The following MAL variants were observed in gnomAD, a reference collection of about 807,000 sequenced individuals.
The protein encoded by MAL is myelin and lymphocyte protein.
A neutral mutation model predicts 16.7 loss-of-function variants in MAL; 5 were observed. That is an observed-to-expected ratio of 0.30 (90% CI 0.16 to 0.63). The LOEUF is 0.63. MAL is among the 30% of genes least tolerant of loss of function. The pLI is 0.82. For synonymous variants in MAL, 96 were observed against 85.5 expected (o/e 1.12, Z -0.67); for missense variants, 202 against 195.8 (o/e 1.03, Z -0.19).
intron 1 of MAL, among the ~76,000 whole-genome samples, chr2:95,045,985 C>A (rs1205057923): frequency 1.3e-5 from 2 of 152,200 alleles, no homozygotes; most frequent in African/African-American, 4.8e-5. Context: ...TTCAGGCAAC[C>A]TAAGATCCAT....
intron 1 of MAL, among the ~76,000 whole-genome samples, chr2:95,029,153 G>T (rs1249726613): frequency 6.6e-6 from 1 of 152,180 alleles, no homozygotes; most frequent in Non-Finnish European, 1.5e-5. Flanking sequence ...GCCCAACTTT[G>T]TCAAATCTTA....
At chr2:95,044,712 T>C (rs1316884110) in intron 1 of MAL, 1 of 152,232 alleles carries the variant, frequency 6.6e-6, no homozygotes, top group Non-Finnish European at 1.5e-5. Flanking sequence ...AAAATAGTCT[T>C]CATCAGGTTG....
chr2:95,047,934 A>G (rs1437917258), intron 1 of MAL, 25 bp from the exon 2 acceptor site: 1 of 1,607,062 alleles, frequency 6.2e-7, no homozygotes. Flanking sequence ...CTAGGCCAAA[A>G]CTCACCCCTC....
chr2:95,053,291 C>A (rs1558663485), intron 3 of MAL, 90 bp from the exon 4 acceptor site: 7 of 887,050 alleles, frequency 7.9e-6, no homozygotes, highest in East Asian at 2.4e-5. Flanking sequence ...GTCTGGCCCC[C>A]CCTACGCCAC....
intron 1 of MAL, among the ~76,000 whole-genome samples, chr2:95,040,401 A>G (rs1412144286): frequency 6.6e-6 from 1 of 151,678 alleles, no homozygotes; most frequent in Non-Finnish European, 1.5e-5. Flanking sequence ...ATACATGTAC[A>G]CACACACACA....
At chr2:95,039,823 G>C (rs1674400108) in intron 1 of MAL, among the ~76,000 whole-genome samples, 1 of 152,124 alleles carries the variant, frequency 6.6e-6, no homozygotes, top group South Asian at 2.1e-4. Context: ...CGTACCAGGA[G>C]GTAGGTAGGG....
At chr2:95,049,761 GGT>G in intron 3 of MAL, 55 bp downstream of exon 3, 24 of 1,607,170 alleles carry the variant, frequency 1.5e-5, no homozygotes, top group Admixed American at 5.0e-5. Flanking sequence ...TGGCTGGCAG[GGT>G]GTGTGTGGAG....
At chr2:95,032,023 T>C (rs1271273076) in intron 1 of MAL, among the ~76,000 whole-genome samples, 1 of 152,262 alleles carries the variant, frequency 6.6e-6, no homozygotes, top group African/African-American at 2.4e-5. Flanking sequence ...ACACCTGAGC[T>C]ATATTTTAAA....
At chr2:95,036,983 G>A (rs1285377616) in intron 1 of MAL, among the ~76,000 whole-genome samples, 14 of 152,140 alleles carry the variant, frequency 9.2e-5, no homozygotes, top group African/African-American at 2.6e-4. Context: ...GTGAGTGAGT[G>A]ACTGAGTGAG....
chr2:95,040,717 G>A (rs954869459), intron 1 of MAL, among the ~76,000 whole-genome samples: 2 of 152,190 alleles, frequency 1.3e-5, no homozygotes, highest in African/African-American at 2.4e-5. Flanking sequence ...CCAGCAGACG[G>A]GGATGAGTCC....
rs374221588 is a variant in MAL, at chr2:95,027,694, G to A, written c.93+1809G>A. Reference sequence around the variant, plus strand: ...GGCCTGAGAAGGCGCTGGCCACCCCGGGAGAGTTTTTGTTTTTGTTTTTGT... The same window carrying A: ...GGCCTGAGAAGGCGCTGGCCACCCCAGGAGAGTTTTTGTTTTTGTTTTTGT... On this transcript the variant is annotated intron_variant, in intron 1 of 3. Coordinates refer to ENST00000309988, the MANE Select transcript of MAL (RefSeq NM_002371.4). 6.6e-5 allele frequency among the ~76,000 whole-genome samples: 10 copies of A among 152,062 alleles called. No individual in the cohort carries two copies. In the East Asian group the frequency reaches 1.2e-3, roughly 18 times the overall value.
Position 95,049,702 on chromosome 2 carries a change from C to T in MAL, c.383C>T (p.Ala128Val). The change falls in exon 3 of 4, where the codon GCC becomes GTC. Residue 128 changes from alanine to valine, a missense_variant. Ala to Val is a moderately conservative substitution (Grantham distance 64, BLOSUM62 0). Coordinates refer to ENST00000309988, the MANE Select transcript of MAL (RefSeq NM_002371.4). ...AGGCACTACCATGAAAACATTGCTG[C>T]CGTGGTGAGTCCGGGCACCTGGGGC... Reference protein sequence around the residue: ...TYRHYHENIAAVVFSYIATLL... With the variant: ...TYRHYHENIAVVVFSYIATLL... 1 of 1,614,104 alleles carries T rather than the reference C, an allele frequency of 6.2e-7. No individual in the cohort carries two copies. The highest frequency in any genetic ancestry group is 8.5e-7 in the Non-Finnish European group (1 of 1,179,986).
intron 1 of MAL, among the ~76,000 whole-genome samples, chr2:95,045,787 T>C (rs1393901586): frequency 6.6e-6 from 1 of 152,186 alleles, no homozygotes; most frequent in African/African-American, 2.4e-5. Flanking sequence ...CCTGTACCAA[T>C]GTGCTCCTGT....
At chr2:95,038,781 CAAGTGAGT>C (rs1674338987) in intron 1 of MAL, among the ~76,000 whole-genome samples, 1 of 86,024 alleles carries the variant, frequency 1.2e-5, no homozygotes, top group Admixed American at 1.1e-4. Context: ...AGTGAGTGAG[CAAGTGAGT>C]GAGTGACTGA....
At chr2:95,039,372 CTGAGTGAG>C (rs532793861) in intron 1 of MAL, among the ~76,000 whole-genome samples, 4 of 68,654 alleles carry the variant, frequency 5.8e-5, no homozygotes, top group Admixed American at 1.5e-4. Flanking sequence ...GACTGAGTAA[CTGAGTGAG>C]TGAGTGAGTG....
chr2:95,039,064 GTGAGTGAGTGACTGAT>G (rs1674357548), intron 1 of MAL, among the ~76,000 whole-genome samples: 1 of 151,242 alleles, frequency 6.6e-6, no homozygotes, highest in Admixed American at 6.6e-5. Flanking sequence ...GGGTGAGTGA[GTGAGTGAGTGACTGAT>G]TGAGTGACTG....
chr2:95,053,672 C>T lies in MAL; in HGVS notation c.*217C>T. On this transcript the variant is annotated 3_prime_UTR_variant, in exon 4 of 4. Transcript: ENST00000309988. ...CGTCCGGGTTGGGAGCTTGCTGTGT[C>T]TAACCTCCAACTGCTGTGCTGTCTG... 1.7e-6 allele frequency: 1 copy of T among 572,090 alleles called. No individual in the cohort carries two copies. Among genetic ancestry groups the T allele is most frequent in the Non-Finnish European group, 3.1e-6 (1 of 321,588 alleles). 35.4% of individuals were successfully genotyped at this position (572,090 alleles called of 1,614,324 possible).
chr2:95,044,657 A>T (rs990095596), intron 1 of MAL: 1 of 152,208 alleles, frequency 6.6e-6, no homozygotes, highest in African/African-American at 2.4e-5. Context: ...GACTGCAGGA[A>T]CCTGCGAGCC....
chr2:95,032,704 G>T (rs1254032113), intron 1 of MAL, among the ~76,000 whole-genome samples: 2 of 152,124 alleles, frequency 1.3e-5, no homozygotes, highest in East Asian at 3.9e-4. Flanking sequence ...CAATTTGGAA[G>T]GCTCCAAATT....
Sources: gnomAD v4.1 joint callset for allele counts (sites outside exome capture counted in the v4.1 genomes callset) on GRCh38, gnomAD v4.1.1 for gene constraint, MANE v1.5 for transcripts, NCBI Gene and HGNC (gene_info 2026-07-23, HGNC 2026-07-21) for gene names.